The following PSMG2 variants were observed in gnomAD, a reference collection of about 807,000 sequenced individuals.
PSMG2 encodes the protein proteasome assembly chaperone 2, also known as CD40 ligand-activated specific transcript 3.
PSMG2 carries 21 observed loss-of-function variants against 31.5 expected under a neutral mutation model. That is an observed-to-expected ratio of 0.67 (90% CI 0.47 to 0.96). The LOEUF is 0.96. Among genes scored for constraint, PSMG2 ranks in the 40% least tolerant of loss-of-function variants. PSMG2 has a pLI of 0.00. For missense variants in PSMG2, 318 were observed against 321.2 expected, an observed-to-expected ratio of 0.99 and a Z score of 0.08; for synonymous variants, 120 against 110.4, an observed-to-expected ratio of 1.09 and a Z score of -0.54.
At chr18:12,666,149 T>G (rs1417074803) in intron 1 of PSMG2, among the ~76,000 whole-genome samples, 2 of 109,650 alleles carry the variant, frequency 1.8e-5, no homozygotes, top group East Asian at 2.5e-4. Flanking sequence ...AGAACTCATC[T>G]CTACAAAAAA....
At chr18:12,705,593 G>C (rs905796700) in intron 1 of PSMG2, among the ~76,000 whole-genome samples, 10 of 151,840 alleles carry the variant, frequency 6.6e-5, no homozygotes, top group Admixed American at 6.6e-4. Context: ...GTGTGTGTGT[G>C]TGTGTGTGTG....
chr18:12,702,340 A>G (rs892976206), upstream of PSMG2: 4 of 625,718 alleles, frequency 6.4e-6, no homozygotes, highest in East Asian at 6.3e-5. Flanking sequence ...CCTCAAACTC[A>G]AAGCTCTGCC....
At chr18:12,684,693 G>C (rs1318199485) in intron 1 of PSMG2, 1 of 151,326 alleles carries the variant, frequency 6.6e-6, no homozygotes, top group East Asian at 2.0e-4. Flanking sequence ...ATGTTAGCCA[G>C]GCTGTTCTAG....
At position 12,696,680 on chromosome 18, in the gene PSMG2, T is replaced by G. The variant is rs763288304; in HGVS notation, c.-36-9870T>G. On this transcript the variant is annotated intron_variant, in intron 1 of 6. Coordinates refer to the PSMG2 transcript ENST00000585331. ...AGTATGTGTTACATAGCGGGCAGTGTGCAAGATTCCAAGGAGACTATGATA... is the reference window on the plus strand; with the variant it reads ...AGTATGTGTTACATAGCGGGCAGTGGGCAAGATTCCAAGGAGACTATGATA... Among the ~76,000 whole-genome samples the G allele has an allele frequency of 4.8e-4, 73 of 152,156 alleles. 1 individual carries two copies. The highest frequency in any genetic ancestry group is 8.2e-4 in the Non-Finnish European group (56 of 68,036).
rs756920702 is a variant in PSMG2 at position 12,678,083 on chromosome 18, A to G, written c.-37+19310A>G. ...ATACATAAATGAAAAGAAGTATGAA[A>G]CTACAACTATTTCAGTGTGAATTAC... On this transcript the variant is annotated intron_variant, in intron 1 of 6. Coordinates refer to the PSMG2 transcript ENST00000585331. 3 of 1,560,828 alleles carry G rather than the reference A, an allele frequency of 1.9e-6. No homozygotes were observed. In the East Asian group the frequency reaches 6.8e-5, roughly 35 times the overall value.
intron 1 of PSMG2, chr18:12,691,084 T>C (rs930975331): frequency 2.9e-5 from 8 of 277,002 alleles, no homozygotes; most frequent in African/African-American, 1.5e-4. Flanking sequence ...ATCAAATATA[T>C]TCAGAAAGGG....
intron 1 of PSMG2, among the ~76,000 whole-genome samples, chr18:12,674,129 G>A (rs1313347703): frequency 6.6e-6 from 1 of 151,932 alleles, no homozygotes; most frequent in Admixed American, 6.6e-5. Flanking sequence ...TGACTTGGAT[G>A]TCATTTCTAA....
chr18:12,720,628 G>A lies in PSMG2; in HGVS notation c.526G>A (p.Glu176Lys), dbSNP rs896181365. The change falls in exon 5 of 7, where the codon GAG becomes AAG. Residue 176 changes from glutamate (E) to lysine (K), a missense_variant. Physicochemically the swap from Glu to Lys is moderately conservative, Grantham distance 56. Transcript: ENST00000317615. ...GTGCATTCCTGAAATAGATGATTCC[G>A]AGTTTTGTATCCGCATTCCGGGAGG... is the stretch of plus-strand genomic sequence containing the variant. ...SRCIPEIDDSEFCIRIPGGGI... is the reference protein window; with the variant it reads ...SRCIPEIDDSKFCIRIPGGGI... 7 of 1,613,862 alleles carry A rather than the reference G, an allele frequency of 4.3e-6. No homozygotes were observed. Among genetic ancestry groups the A allele is most frequent in the South Asian group, 2.2e-5 (2 of 91,026 alleles).
At chr18:12,703,347 G>A (rs1158723249) in intron 1 of PSMG2, among the ~76,000 whole-genome samples, 183 bp downstream of exon 1, 1 of 152,242 alleles carries the variant, frequency 6.6e-6, no homozygotes, top group Non-Finnish European at 1.5e-5. Flanking sequence ...ACCTTTGTCG[G>A]CTGTAAAACC....
intron 3 of PSMG2, among the ~76,000 whole-genome samples, chr18:12,714,545 A>G (rs1053390204): frequency 2.7e-5 from 4 of 149,436 alleles, no homozygotes; most frequent in Admixed American, 1.3e-4. Context: ...CCAGGCTGGA[A>G]TGCAGTGGCG....
Position 12,703,149 on chromosome 18 carries a change from C to A in PSMG2, c.42C>A (p.Gly14=), listed in dbSNP as rs769845214. 1 of 1,611,588 alleles carries A rather than the reference C, an allele frequency of 6.2e-7. No homozygotes were observed. ...PCGESAPDLA[G]FTLLMPAVSV... is the part of the protein sequence containing the mutation. ...GGGAGTCGGCCCCCGACCTTGCCGG[C>A]TTCACCCTCCTAATGGTGAGTCTCC... Residue 14 remains glycine, a synonymous_variant, in exon 1 of 7, where the codon GGC becomes GGA. Transcript: ENST00000317615.
At chr18:12,712,831 G>C in intron 3 of PSMG2, 71 bp downstream of exon 3, 1 of 1,234,066 alleles carries the variant, frequency 8.1e-7, no homozygotes, top group Non-Finnish European at 1.2e-6. Flanking sequence ...TAGGGATTAA[G>C]ATTCAAAAAT....
intron 5 of PSMG2, 98 bp from the exon 6 acceptor site, chr18:12,724,401 T>C (rs758755701): frequency 2.4e-4 from 307 of 1,271,820 alleles, no homozygotes; most frequent in Non-Finnish European, 3.0e-4. Flanking sequence ...TTTCCTTTCC[T>C]AAACCAGGTA....
intron 1 of PSMG2, chr18:12,674,506 G>A (rs749309205): frequency 6.5e-7 from 1 of 1,541,466 alleles, no homozygotes; most frequent in Non-Finnish European, 9.0e-7. Context: ...CTCCTAAACT[G>A]AAAAAATGAT....
At chr18:12,691,250 A>G in intron 1 of PSMG2, 3 of 674,870 alleles carry the variant, frequency 4.4e-6, no homozygotes, top group Non-Finnish European at 4.5e-6. Context: ...TTACAAATAC[A>G]CTTTTATTTT....
chr18:12,697,326 T>G, intron 1 of PSMG2: 2 of 1,613,900 alleles, frequency 1.2e-6, no homozygotes, highest in East Asian at 4.5e-5. Flanking sequence ...TCTCACCAAA[T>G]ATGTCTGTTT....
intron 1 of PSMG2, chr18:12,678,220 A>G: frequency 6.2e-7 from 1 of 1,614,156 alleles, no homozygotes; most frequent in Non-Finnish European, 8.5e-7. Context: ...GGGATGTTGT[A>G]GCTCCAGGAG....
chr18:12,678,525 A>C (rs529165047), intron 1 of PSMG2: 8 of 894,446 alleles, frequency 8.9e-6, no homozygotes, highest in African/African-American at 1.7e-5. Context: ...TCTAACACTT[A>C]AGGCCATAAC....
rs1387865564 is a variant in PSMG2 at position 12,695,997 on chromosome 18, A to G, written c.-36-10553A>G. On this transcript the variant is annotated intron_variant, in intron 1 of 6. Coordinates refer to the PSMG2 transcript ENST00000585331. ...TTCAATCCATGCCTGGATTTAAAGA[A>G]CTAGAAAACAAATATACTTCACATC... Among the ~76,000 whole-genome samples, 4 of 152,306 alleles carry G rather than the reference A, an allele frequency of 2.6e-5. No individual in the cohort carries two copies. The East Asian group carries it at 7.7e-4, about 29-fold the overall frequency.
Sources: allele counts gnomAD v4.1 joint callset (sites outside exome capture counted in the v4.1 genomes callset), GRCh38; gene constraint gnomAD v4.1.1; transcripts MANE v1.5; gene names NCBI Gene and HGNC (gene_info 2026-07-23, HGNC 2026-07-21).